The following QTMAN variants were observed in gnomAD, a reference collection of about 807,000 sequenced individuals.
QTMAN encodes the protein queuosine-tRNA mannosyltransferase.
chr2:143,938,925 G>C, the QTMAN span: 1 of 152,206 alleles, frequency 6.6e-6, no homozygotes, highest in Non-Finnish European at 1.5e-5. Context: ...CACAGGGTAA[G>C]AACATAATTA....
At chr2:144,097,303 C>T in the QTMAN span, among the ~76,000 whole-genome samples, 1 of 152,190 alleles carries the variant, frequency 6.6e-6, no homozygotes, top group African/African-American at 2.4e-5. Flanking sequence ...CCCATTCATC[C>T]ACCCTTGTTC....
the QTMAN span, among the ~76,000 whole-genome samples, chr2:144,323,411 C>T: frequency 2.0e-5 from 3 of 152,116 alleles, no homozygotes; most frequent in South Asian, 6.2e-4. Context: ...TCTGTGAATG[C>T]ACAGCTGTGA....
the QTMAN span, among the ~76,000 whole-genome samples, chr2:144,077,193 G>C: frequency 5.9e-5 from 9 of 152,314 alleles, no homozygotes; most frequent in African/African-American, 2.2e-4. Flanking sequence ...ATAAGTGGGT[G>C]GCTTTTGTGA....
the QTMAN span, among the ~76,000 whole-genome samples, chr2:144,238,214 A>G: frequency 6.6e-6 from 1 of 152,260 alleles, no homozygotes; most frequent in Non-Finnish European, 1.5e-5. Context: ...TTCAAAATTT[A>G]GAAAGCAGAA....
At chr2:144,229,692 G>A in the QTMAN span, among the ~76,000 whole-genome samples, 1 of 152,144 alleles carries the variant, frequency 6.6e-6, no homozygotes. Flanking sequence ...GGCGTGGGGG[G>A]AAGAAAGGAA....
the QTMAN span, among the ~76,000 whole-genome samples, chr2:144,239,636 A>T: frequency 2.6e-5 from 4 of 152,188 alleles, no homozygotes; most frequent in African/African-American, 9.7e-5. Context: ...AACTGCTCAG[A>T]AGACAGAACT....
At chr2:144,283,942 A>G in the QTMAN span, among the ~76,000 whole-genome samples, 2 of 152,090 alleles carry the variant, frequency 1.3e-5, no homozygotes, top group African/African-American at 4.8e-5. Context: ...CCAAACCTGG[A>G]GAAAATATAT....
the QTMAN span, among the ~76,000 whole-genome samples, chr2:144,171,930 A>G: frequency 2.0e-5 from 3 of 152,196 alleles, no homozygotes; most frequent in Non-Finnish European, 4.4e-5. Flanking sequence ...TCAGAAGTAT[A>G]GTTATTTTTG....
the QTMAN span, among the ~76,000 whole-genome samples, chr2:144,133,471 T>TTATATA: frequency 3.0e-5 from 2 of 65,954 alleles, no homozygotes; most frequent in African/African-American, 1.2e-4. Context: ...ATATTATATA[T>TTATATA]TATATAATAT....
the QTMAN span, among the ~76,000 whole-genome samples, chr2:144,023,272 G>C: frequency 6.6e-6 from 1 of 151,784 alleles, no homozygotes; most frequent in Non-Finnish European, 1.5e-5. Flanking sequence ...CCAATGGAAA[G>C]AGGTTTGAAT....
chr2:144,055,256 T>G, the QTMAN span, among the ~76,000 whole-genome samples: 1 of 151,892 alleles, frequency 6.6e-6, no homozygotes, highest in Admixed American at 6.6e-5. Context: ...TTTTGTCCTT[T>G]GAAGTCAAAT....
At chr2:144,017,324 T>G in the QTMAN span, among the ~76,000 whole-genome samples, 1 of 152,072 alleles carries the variant, frequency 6.6e-6, no homozygotes, top group Non-Finnish European at 1.5e-5. Context: ...TTTTAAAAAA[T>G]TAAAATGAAT....
the QTMAN span, among the ~76,000 whole-genome samples, chr2:143,969,475 T>C: frequency 6.6e-6 from 1 of 152,224 alleles, no homozygotes; most frequent in Non-Finnish European, 1.5e-5. Flanking sequence ...TGGGGTACAA[T>C]GATGAACACA....
At chr2:144,267,966 G>C in the QTMAN span, among the ~76,000 whole-genome samples, 4 of 152,170 alleles carry the variant, frequency 2.6e-5, no homozygotes, top group Non-Finnish European at 4.4e-5. Context: ...GGGGCCAATG[G>C]GAGGTGATAC....
chr2:144,202,561 T>C, the QTMAN span, among the ~76,000 whole-genome samples: 4 of 152,200 alleles, frequency 2.6e-5, no homozygotes. Context: ...ACTATGATGC[T>C]CCTTATTCTA....
chr2:144,248,459 C>G, the QTMAN span, among the ~76,000 whole-genome samples: 2 of 152,156 alleles, frequency 1.3e-5, no homozygotes, highest in Non-Finnish European at 2.9e-5. Flanking sequence ...TGCAACTCAT[C>G]ACTCATGGCG....
At chr2:144,066,527 A>G in the QTMAN span, among the ~76,000 whole-genome samples, 1 of 152,218 alleles carries the variant, frequency 6.6e-6, no homozygotes, top group African/African-American at 2.4e-5. Flanking sequence ...AGAAATGACC[A>G]AGCACTGGCC....
At chr2:144,254,295 G>A in the QTMAN span, among the ~76,000 whole-genome samples, 5 of 152,122 alleles carry the variant, frequency 3.3e-5, no homozygotes, top group African/African-American at 4.8e-5. Context: ...GGTTGTGGGC[G>A]CCTGTAATCC....
At chr2:144,047,221 A>G in the QTMAN span, among the ~76,000 whole-genome samples, 4 of 152,198 alleles carry the variant, frequency 2.6e-5, no homozygotes, top group African/African-American at 9.7e-5. Context: ...CAGTGAGCTG[A>G]GATTGCACCA....
Sources: gnomAD v4.1 joint callset for allele counts (sites outside exome capture counted in the v4.1 genomes callset) on GRCh38, gnomAD v4.1.1 for gene constraint, MANE v1.5 for transcripts, NCBI Gene and HGNC (gene_info 2026-07-23, HGNC 2026-07-21) for gene names.